Variants in ZC3H3 observed in about 807,000 individuals in gnomAD.
ZC3H3 encodes the protein zinc finger CCCH domain-containing protein 3.
ZC3H3 carries 36 observed loss-of-function variants against 77.3 expected under a neutral mutation model. That is an observed-to-expected ratio of 0.47 (90% CI 0.36 to 0.61). ZC3H3 has a LOEUF of 0.61. Ranked by LOEUF, ZC3H3 falls within the 20% of genes least tolerant of loss-of-function variation. The probability of loss-of-function intolerance (pLI) is 0.00; values close to 1 mark genes in which losing one functional copy is unlikely to be tolerated. For synonymous variants in ZC3H3, 626 were observed against 555.2 expected (o/e 1.13, Z -1.79); for missense variants, 1,331 against 1,312.2 (o/e 1.01, Z -0.22).
intron 4 of ZC3H3, among the ~76,000 whole-genome samples, chr8:143,502,047 C>T (rs751283326): frequency 4.6e-5 from 7 of 152,246 alleles, no homozygotes; most frequent in Non-Finnish European, 7.3e-5. Flanking sequence ...AGTGCACACG[C>T]ACTCACCACG....
At chr8:143,497,406 G>A (rs963534266) in intron 4 of ZC3H3, among the ~76,000 whole-genome samples, 4 of 152,176 alleles carry the variant, frequency 2.6e-5, no homozygotes, top group Non-Finnish European at 4.4e-5. Flanking sequence ...GTGGGCAGCA[G>A]CAGGAAGCTG....
At chr8:143,475,986 G>C (rs757383081) in intron 4 of ZC3H3, among the ~76,000 whole-genome samples, 1 of 152,216 alleles carries the variant, frequency 6.6e-6, no homozygotes, top group Non-Finnish European at 1.5e-5. Context: ...GTGTGCTGCA[G>C]GGTAAGGGTC....
At chr8:143,511,749 C>A (rs1821875770) in intron 3 of ZC3H3, among the ~76,000 whole-genome samples, 1 of 152,228 alleles carries the variant, frequency 6.6e-6, no homozygotes, top group South Asian at 2.1e-4. Flanking sequence ...GATGGGAGCA[C>A]CAGGGCCTCC....
chr8:143,461,076 CG>C (rs1820249202), intron 9 of ZC3H3, among the ~76,000 whole-genome samples: 3 of 152,118 alleles, frequency 2.0e-5, no homozygotes, highest in Non-Finnish European at 2.9e-5. Context: ...GCCATTTTGA[CG>C]CTTAAAAATG....
chr8:143,474,280 A>G (rs1328261319), intron 5 of ZC3H3, among the ~76,000 whole-genome samples: 1 of 150,888 alleles, frequency 6.6e-6, no homozygotes, highest in Non-Finnish European at 1.5e-5. Flanking sequence ...GGGGTGACAC[A>G]GTGCCGAGGA....
intron 4 of ZC3H3, among the ~76,000 whole-genome samples, chr8:143,496,830 G>A (rs1427833672): frequency 6.6e-6 from 1 of 152,246 alleles, no homozygotes; most frequent in Non-Finnish European, 1.5e-5. Context: ...GTGCTGCCAT[G>A]GCTTTCCCGC....
chr8:143,500,663 G>A (rs1311133099), intron 4 of ZC3H3, among the ~76,000 whole-genome samples: 2 of 152,196 alleles, frequency 1.3e-5, no homozygotes, highest in Admixed American at 1.3e-4. Flanking sequence ...AGGCAAGCAG[G>A]TGCCTGAGAT....
intron 3 of ZC3H3, among the ~76,000 whole-genome samples, chr8:143,529,743 GTCC>G (rs1822541710): frequency 6.6e-6 from 1 of 152,214 alleles, no homozygotes; most frequent in Non-Finnish European, 1.5e-5. Flanking sequence ...TCCCACCTGG[GTCC>G]TGCTCTGGGG....
intron 4 of ZC3H3, among the ~76,000 whole-genome samples, chr8:143,505,422 C>T (rs1586934210): frequency 1.3e-5 from 2 of 152,338 alleles, no homozygotes; most frequent in Admixed American, 6.5e-5. Context: ...AGCCCAGGCA[C>T]GCAAACAGGC....
intron 5 of ZC3H3, among the ~76,000 whole-genome samples, chr8:143,474,400 C>A (rs973765361): frequency 2.0e-5 from 3 of 152,258 alleles, no homozygotes; most frequent in Non-Finnish European, 2.9e-5. Context: ...GTCATGGGCA[C>A]TGACCAGCCA....
chr8:143,536,368 C>T lies in ZC3H3; in HGVS notation c.1450G>A (p.Gly484Arg). Residue 484 changes from glycine to arginine, a missense_variant, in exon 3 of 12, where the codon GGG (glycine) becomes AGG (arginine). By Grantham distance (125) the Gly-to-Arg change is moderately radical. Coordinates refer to ENST00000262577, the MANE Select transcript of ZC3H3 (RefSeq NM_015117.3). ...LSLRRRQALR[G>R]KSSPVLKKTP... is the part of the protein sequence containing the mutation. ...TTCTTCAGGACAGGGCTGCTCTTCC[C>T]CCTGAGGGCCTGTCTCCGCCGGAGG... is the stretch of plus-strand genomic sequence containing the variant. 3 of 1,597,886 alleles carry T rather than the reference C, an allele frequency of 1.9e-6. No homozygotes were observed. Among genetic ancestry groups the T allele is most frequent in the Non-Finnish European group, 2.6e-6 (3 of 1,172,096 alleles).
intron 4 of ZC3H3, among the ~76,000 whole-genome samples, chr8:143,495,525 C>G (rs933550477): frequency 6.6e-6 from 1 of 152,208 alleles, no homozygotes; most frequent in Admixed American, 6.5e-5. Flanking sequence ...CAGAGAAGGG[C>G]AATGGCAACG....
At chr8:143,459,321 G>A (rs892691601) in intron 9 of ZC3H3, among the ~76,000 whole-genome samples, 1 of 152,242 alleles carries the variant, frequency 6.6e-6, no homozygotes, top group African/African-American at 2.4e-5. Context: ...GCCAAGGCGG[G>A]CTGATCACCT....
chr8:143,454,238 C>T (rs1820058229), intron 9 of ZC3H3, among the ~76,000 whole-genome samples: 2 of 150,694 alleles, frequency 1.3e-5, no homozygotes, highest in Non-Finnish European at 3.0e-5. Context: ...CCTACCACCA[C>T]ACTCAGGTAA....
chr8:143,466,972 G>A (rs950215218), intron 8 of ZC3H3, among the ~76,000 whole-genome samples: 16 of 152,172 alleles, frequency 1.1e-4, no homozygotes, highest in African/African-American at 3.9e-4. Context: ...TAAGGCCAAG[G>A]AGGGAAGAAG....
rs545207376 is a variant in ZC3H3, at chr8:143,536,825, C to T, written c.1365-372G>A. ...GAAGGGCCGACATCCCTGAGGAGAG[C>T]GGCCACCGGCCCCAAGTGGCCTGCC... On this transcript the variant is annotated intron_variant, in intron 2 of 11. Coordinates refer to ENST00000262577, the MANE Select transcript of ZC3H3 (RefSeq NM_015117.3). Among the ~76,000 whole-genome samples the T allele has an allele frequency of 2.7e-3, 413 of 152,290 alleles. 1 individual carries two copies. The highest frequency in any genetic ancestry group is 4.4e-3 in the Non-Finnish European group (296 of 68,010).
At chr8:143,527,025 G>A (rs58062143) in intron 3 of ZC3H3, among the ~76,000 whole-genome samples, 1,541 of 152,264 alleles carry the variant, frequency 0.01, 25 homozygotes, top group African/African-American at 0.03. Context: ...AGTGGGAGGA[G>A]GACCAGGCCA....
At position 143,530,124 on chromosome 8, in the gene ZC3H3, C is replaced by T. The variant is rs567944246; in HGVS notation, c.1561+6133G>A. Among the ~76,000 whole-genome samples the T allele has an allele frequency of 1.1e-4, 16 of 152,272 alleles. No individual in the cohort carries two copies. In the South Asian group the frequency reaches 3.3e-3, roughly 32 times the overall value. ...GGCAGATGCCCGGCCTGGCTCCTGT[C>T]AAAGCCTGGGCAGCCGGCAGGCCTC... On this transcript the variant is annotated intron_variant, in intron 3 of 11. Coordinates refer to ENST00000262577, the MANE Select transcript of ZC3H3 (RefSeq NM_015117.3). This position sits in a 1 kb window ranked among gnomAD's most constrained non-coding sequence, Gnocchi z 4.3.
rs574451949 is a variant in ZC3H3 at position 143,477,724 on chromosome 8, C to T, written c.1716-2139G>A. 1.4e-4 allele frequency among the ~76,000 whole-genome samples: 22 copies of T among 152,314 alleles called. No individual in the cohort carries two copies. In the South Asian group the frequency reaches 3.9e-3, roughly 27 times the overall value. ...ACTACCTGGGGGACACTCAGCTTGACCCCAAATCCCAGTCAGGCTGAGCCC... is the reference window on the plus strand; with the variant it reads ...ACTACCTGGGGGACACTCAGCTTGATCCCAAATCCCAGTCAGGCTGAGCCC... On this transcript the variant is annotated intron_variant, in intron 4 of 11. Coordinates refer to ENST00000262577, the MANE Select transcript of ZC3H3 (RefSeq NM_015117.3).
Sources: gnomAD v4.1 joint callset for allele counts (sites outside exome capture counted in the v4.1 genomes callset) on GRCh38, gnomAD v4.1.1 for gene constraint, Gnocchi (gnomAD v3.1) non-coding constraint, MANE v1.5 for transcripts, NCBI Gene and HGNC (gene_info 2026-07-23, HGNC 2026-07-21) for gene names.